The following IRAG2 variants were observed in gnomAD, a reference collection of about 807,000 sequenced individuals.
IRAG2 encodes the protein lymphoid restricted membrane protein.
A neutral mutation model predicts 69.9 loss-of-function variants in IRAG2; 45 were observed. That is an observed-to-expected ratio of 0.64 (90% confidence interval 0.51 to 0.83). IRAG2 has a LOEUF of 0.83. Ranked by LOEUF, IRAG2 falls within the 40% of genes least tolerant of loss-of-function variation. The pLI is 0.00. For synonymous variants in IRAG2, 193 were observed against 202.4 expected, an observed-to-expected ratio of 0.95 and a Z score of 0.40; for missense variants, 520 against 587.0, an observed-to-expected ratio of 0.89 and a Z score of 1.18.
At chr12:25,000,345 G>A (rs1276023026), upstream of IRAG2, among the ~76,000 whole-genome samples, 1 of 152,170 alleles carries the variant, frequency 6.6e-6, no homozygotes, top group African/African-American at 2.4e-5. Flanking sequence ...TATTGAGGAA[G>A]CTGAGGTGGG....
chr12:25,108,113 C>G lies in IRAG2; in HGVS notation c.*53C>G. 1.3e-6 allele frequency: 2 copies of G among 1,580,734 alleles called. No homozygotes were observed. Among genetic ancestry groups the G allele is most frequent in the South Asian group, 2.3e-5 (2 of 88,252 alleles). ...TGATTTTTAAGTTTCAGTATCTGAA[C>G]TTCGTAAATTAGTAACTTTTAGCTG... On this transcript the variant is annotated 3_prime_UTR_variant, in exon 22 of 22. Coordinates refer to ENST00000556887, the MANE Select transcript of IRAG2 (RefSeq NM_001366544.2).
chr12:25,025,693 G>C (rs561778981), intron 8 of IRAG2, among the ~76,000 whole-genome samples: 1 of 152,356 alleles, frequency 6.6e-6, no homozygotes, highest in South Asian at 2.1e-4. Context: ...CAATGATCCA[G>C]TCAAAAGCTG....
chr12:25,026,906 G>C, intron 9 of IRAG2: 1 of 995,874 alleles, frequency 1.0e-6, no homozygotes, highest in Non-Finnish European at 1.3e-6. Context: ...TTTTTTTTCT[G>C]TCAAACCAGT....
rs141390183 is a variant in IRAG2, at chr12:25,101,049, T to TA, written c.742-119dup. 3,796 of 599,816 alleles carry TA rather than the reference T, an allele frequency of 6.3e-3. 2 individuals carry two copies. The highest frequency in any genetic ancestry group is 8.3e-3 in the East Asian group (241 of 29,090). The allele number at this position is 599,816 out of a possible 1,614,324, so 37.2% of individuals were successfully genotyped here. A position where few individuals can be genotyped will look rare whatever the true frequency, so the allele number is the denominator to read the frequency against. ...TTGCCCCTGTAGATGCATGTCTTTT[T>TA]AAAAAAAAAACATTTATTGCCACTT... On this transcript the variant is annotated intron_variant, in intron 15 of 21. Coordinates refer to ENST00000556887, the MANE Select transcript of IRAG2 (RefSeq NM_001366544.2).
intron 9 of IRAG2, 87 bp from the exon 10 acceptor site, chr12:25,083,336 C>A: frequency 1.2e-6 from 1 of 814,498 alleles, no homozygotes; most frequent in South Asian, 1.3e-5. Flanking sequence ...AGTTACTGGT[C>A]AGCCCATATT....
At chr12:25,052,126 G>C (rs1408567568), upstream of IRAG2, 1 of 394,522 alleles carries the variant, frequency 2.5e-6, no homozygotes, top group Non-Finnish European at 4.5e-6. Flanking sequence ...CTCTAAGGAA[G>C]TGGTGTTAAG....
upstream of IRAG2, chr12:25,052,415 A>G: frequency 2.5e-6 from 1 of 397,916 alleles, no homozygotes; most frequent in Non-Finnish European, 4.4e-6. Flanking sequence ...AAACCATGAA[A>G]TAAAAATGGA....
upstream of IRAG2, chr12:25,052,534 C>T (rs928960649): frequency 2.3e-5 from 9 of 396,434 alleles, no homozygotes; most frequent in East Asian, 3.6e-5. Flanking sequence ...GTAAGAGAGG[C>T]GGTATCAACA....
intron 1 of IRAG2, among the ~76,000 whole-genome samples, chr12:25,058,109 A>G (rs1402060090): frequency 6.6e-6 from 1 of 152,232 alleles, no homozygotes; most frequent in Non-Finnish European, 1.5e-5. Context: ...TAGAATAAAT[A>G]TCTAGGAGTA....
At position 25,052,786 on chromosome 12, in the gene IRAG2, A is replaced by G. The variant is rs1944921912; in HGVS notation, c.-617A>G. ...TGCTACAATCCAGCACTAACTATCC[A>G]TGTCCAGGGTAAGGATCGAGATCGA... On this transcript the variant is annotated 5_prime_UTR_variant, in exon 1 of 22. An upstream start codon of the reference 5' UTR is lost. Transcript: ENST00000556887. 2.5e-6 allele frequency: 1 copy of G among 398,506 alleles called. No homozygotes were observed. Among genetic ancestry groups the G allele is most frequent in the Non-Finnish European group, 4.4e-6 (1 of 226,068 alleles). The allele number at this position is 398,506 out of a possible 1,614,324, so 24.7% of individuals were successfully genotyped here. A position where few individuals can be genotyped will look rare whatever the true frequency, so the allele number is the denominator to read the frequency against.
chr12:25,033,533 A>G (rs1048301139), intron 12 of IRAG2, among the ~76,000 whole-genome samples: 1 of 152,200 alleles, frequency 6.6e-6, no homozygotes, highest in Non-Finnish European at 1.5e-5. Flanking sequence ...TATGGACCTA[A>G]TCTGGCCACA....
At chr12:25,083,645 T>A (rs191346624) in intron 10 of IRAG2, 152 bp downstream of exon 10, 1 of 545,200 alleles carries the variant, frequency 1.8e-6, no homozygotes, top group African/African-American at 2.0e-5. Flanking sequence ...ATAGGCAAAG[T>A]AGTTGAGGCC....
At chr12:25,053,035 A>T in intron 1 of IRAG2, 79 bp downstream of exon 1, 1 of 397,612 alleles carries the variant, frequency 2.5e-6, no homozygotes. Flanking sequence ...ATTTTTCTAG[A>T]TTACAGCTAG....
At chr12:25,007,373 G>A (rs759812315) in intron 2 of IRAG2, among the ~76,000 whole-genome samples, 2 of 152,096 alleles carry the variant, frequency 1.3e-5, no homozygotes, top group Non-Finnish European at 1.5e-5. Context: ...TCTCATTTGT[G>A]TGATAGATAC....
At chr12:24,998,691 T>A in the IRAG2 span, among the ~76,000 whole-genome samples, 2 of 145,748 alleles carry the variant, frequency 1.4e-5, no homozygotes, top group Non-Finnish European at 3.0e-5. Flanking sequence ...CATACTTAAA[T>A]TTTTTTTTTT....
intron 6 of IRAG2, 82 bp downstream of exon 6, chr12:25,069,513 C>CT (rs2140024869): frequency 7.8e-7 from 1 of 1,275,982 alleles, no homozygotes; most frequent in Non-Finnish European, 1.1e-6. Context: ...TTTTCCCTGT[C>CT]TTTTTTATTT....
chr12:25,032,439 C>G (rs539066148), intron 12 of IRAG2: 1 of 398,690 alleles, frequency 2.5e-6, no homozygotes, highest in African/African-American at 2.1e-5. Context: ...CCCAATTGAG[C>G]TTTGTATGTG....
Position 25,031,751 on chromosome 12 carries a change from CT to C in IRAG2, c.1519-390del, listed in dbSNP as rs559750540. ...GATCTTGGCTCACCACAACCTCCAC[CT>C]CCTGGATTCAAGTGATTCTCCTGCC... On this transcript the variant is annotated intron_variant, in intron 10 of 38. Transcript: ENST00000636465. Among the ~76,000 whole-genome samples the C allele has an allele frequency of 2.0e-5, 3 of 152,272 alleles. No homozygotes were observed. In the East Asian group the frequency reaches 5.8e-4, roughly 29 times the overall value.
chr12:25,095,791 T>G (rs1427288092), intron 14 of IRAG2, among the ~76,000 whole-genome samples: 1 of 152,208 alleles, frequency 6.6e-6, no homozygotes, highest in Non-Finnish European at 1.5e-5. Context: ...GATTTTTGAT[T>G]ACTGATTCAA....
Sources: gnomAD v4.1 joint callset for allele counts (sites outside exome capture counted in the v4.1 genomes callset) on GRCh38, gnomAD v4.1.1 for gene constraint, MANE v1.5 for transcripts, NCBI Gene and HGNC (gene_info 2026-07-23, HGNC 2026-07-21) for gene names.